Variants in CFAP221 observed in about 807,000 individuals in gnomAD.
CFAP221 encodes cilia- and flagella-associated protein 221.
Under a neutral mutation model 113.1 loss-of-function variants are expected in CFAP221, and 97 were observed. The ratio of observed to expected loss-of-function variants is 0.86; its 90% confidence interval spans 0.73 to 1.02. The LOEUF is 1.02. CFAP221 is among the 50% of genes least tolerant of loss of function. The pLI, the probability that CFAP221 is intolerant of heterozygous loss-of-function variation, is 0.00. For missense variants in CFAP221, 1,025 were observed against 1,013.4 expected (o/e 1.01, Z -0.16); for synonymous variants, 331 against 354.4 (o/e 0.93, Z 0.74).
Position 119,605,381 on chromosome 2 carries a change from C to T in CFAP221, c.1133+92C>T, listed in dbSNP as rs370378522. On this transcript the variant is annotated intron_variant, in intron 11 of 23. Transcript: ENST00000413369. ...AATGAGAGACAGTAAAATGTAATAA[C>T]CTTTTAGGTACTTTGGAGAATTTAA... The T allele has an allele frequency of 1.1e-5, 11 of 987,478 alleles. No homozygotes were observed. In the East Asian group the frequency reaches 1.3e-4, roughly 12 times the overall value. The allele number at this position is 987,478 out of a possible 1,614,324, so 61.2% of individuals were successfully genotyped here.
rs781422995 is a variant in CFAP221 at position 119,656,573 on chromosome 2, T to TA, written c.*110dup. 10 of 727,300 alleles carry TA rather than the reference T, an allele frequency of 1.4e-5. No homozygotes were observed. Among genetic ancestry groups the TA allele is most frequent in the Admixed American group, 1.1e-4 (4 of 37,834 alleles). 45.1% of individuals were successfully genotyped at this position (727,300 alleles called of 1,614,324 possible). On this transcript the variant is annotated 3_prime_UTR_variant, in exon 24 of 24. Transcript: ENST00000413369. ...CATCTCTGCAATTAAAGTTTCTGGA[T>TA]AAAAAAATGAAATGTAGAGGATGTA...
At chr2:119,559,832 T>A (rs908997641) in intron 4 of CFAP221, 57 bp downstream of exon 4, 17 of 1,464,608 alleles carry the variant, frequency 1.2e-5, no homozygotes, top group East Asian at 2.5e-5. Flanking sequence ...GTCTCAGGCC[T>A]GTGTGGGGTG....
rs1016459681 is a variant in CFAP221, at chr2:119,597,636, G to A, written c.632-3582G>A. Among the ~76,000 whole-genome samples the A allele has an allele frequency of 2.0e-5, 3 of 152,152 alleles. No homozygotes were observed. In the South Asian group the frequency reaches 6.2e-4, roughly 32 times the overall value. On this transcript the variant is annotated intron_variant, in intron 7 of 23. Transcript: ENST00000413369. ...AATACACAAAGCAAGGAAATAATGAGCCAAGAAAAGCAGAAATTTACCGAA... is the reference window on the plus strand; with the variant it reads ...AATACACAAAGCAAGGAAATAATGAACCAAGAAAAGCAGAAATTTACCGAA...
intron 3 of CFAP221, among the ~76,000 whole-genome samples, chr2:119,553,996 C>T (rs1680606494): frequency 6.6e-6 from 1 of 152,164 alleles, no homozygotes; most frequent in Non-Finnish European, 1.5e-5. Context: ...CTGCTTCGAT[C>T]AGACATTAAA....
chr2:119,581,567 G>A (rs1391648906), intron 6 of CFAP221, among the ~76,000 whole-genome samples: 2 of 152,204 alleles, frequency 1.3e-5, no homozygotes, highest in Admixed American at 1.3e-4. Context: ...AGGGAAATTA[G>A]GGGGTACGGA....
intron 6 of CFAP221, chr2:119,586,792 G>A: frequency 5.1e-6 from 1 of 194,188 alleles, no homozygotes; most frequent in Admixed American, 6.0e-5. Context: ...AGGACAGTGG[G>A]GTGAGGAGTA....
intron 14 of CFAP221, among the ~76,000 whole-genome samples, 197 bp from the exon 15 acceptor site, chr2:119,625,386 G>A (rs1704864680): frequency 6.6e-6 from 1 of 152,122 alleles, no homozygotes; most frequent in African/African-American, 2.4e-5. Flanking sequence ...TTTGTATTCA[G>A]GCAAGTCAGT....
At chr2:119,559,224 T>A (rs1681042086) in intron 3 of CFAP221, among the ~76,000 whole-genome samples, 1 of 152,232 alleles carries the variant, frequency 6.6e-6, no homozygotes, top group Non-Finnish European at 1.5e-5. Flanking sequence ...GATTGGAGGC[T>A]GTCTTAGTCA....
intron 16 of CFAP221, 80 bp downstream of exon 16, chr2:119,627,866 A>G: frequency 6.4e-7 from 1 of 1,552,138 alleles, no homozygotes; most frequent in Non-Finnish European, 8.8e-7. Context: ...GCCCTACCTC[A>G]GTCTCAGTCC....
At chr2:119,643,771 C>T (rs1402275774) in intron 21 of CFAP221, among the ~76,000 whole-genome samples, 1 of 152,022 alleles carries the variant, frequency 6.6e-6, no homozygotes, top group Non-Finnish European at 1.5e-5. Flanking sequence ...TCTCGAACTC[C>T]TGACCTCAAG....
In CFAP221 at chr2:119,656,487, A is replaced by G. The variant is rs201828301; in HGVS notation, c.*17A>G. On this transcript the variant is annotated 3_prime_UTR_variant, in exon 24 of 24. Transcript: ENST00000413369. Reference sequence around the variant, plus strand: ...CTAGAATGAAAGTCACCAGTAGGTCAGTCCCTTCCATTTGCTTTCCGTGGG... The same window carrying G: ...CTAGAATGAAAGTCACCAGTAGGTCGGTCCCTTCCATTTGCTTTCCGTGGG... 1.4e-4 allele frequency: 216 copies of G among 1,587,784 alleles called. 1 individual carries two copies. In the Middle Eastern group the frequency reaches 1.7e-3, roughly 12 times the overall value.
chr2:119,615,819 A>G (rs1287309028), intron 14 of CFAP221, 110 bp downstream of exon 14: 2 of 756,694 alleles, frequency 2.6e-6, no homozygotes, highest in East Asian at 2.9e-5. Context: ...TACACACCAT[A>G]AAATTCACCC....
chr2:119,589,955 C>T (rs1238748502), intron 7 of CFAP221: 3 of 151,718 alleles, frequency 2.0e-5, no homozygotes, highest in Admixed American at 6.6e-5. Flanking sequence ...TTTTTTTTTC[C>T]GTGAAATCTG....
intron 3 of CFAP221, among the ~76,000 whole-genome samples, chr2:119,550,182 T>C (rs1157950659): frequency 1.3e-5 from 2 of 152,166 alleles, no homozygotes; most frequent in African/African-American, 4.8e-5. Context: ...TGTGGCCCTG[T>C]CTCCAGCCAC....
chr2:119,567,020 G>T (rs912443743), intron 6 of CFAP221, among the ~76,000 whole-genome samples: 3 of 152,156 alleles, frequency 2.0e-5, no homozygotes, highest in Admixed American at 6.5e-5. Context: ...TGAAAGGAAT[G>T]TACAGAGATT....
chr2:119,647,616 G>C (rs938394762), intron 22 of CFAP221, among the ~76,000 whole-genome samples: 1 of 152,052 alleles, frequency 6.6e-6, no homozygotes, highest in Non-Finnish European at 1.5e-5. Flanking sequence ...CGTACGTCCA[G>C]CTCACACGTG....
intron 14 of CFAP221, among the ~76,000 whole-genome samples, chr2:119,622,831 A>C (rs543188301): frequency 6.6e-6 from 1 of 152,352 alleles, no homozygotes; most frequent in Admixed American, 6.5e-5. Context: ...CTTCATGCTC[A>C]AAACTCTCAA....
intron 6 of CFAP221, among the ~76,000 whole-genome samples, chr2:119,564,435 GAATAAT>G (rs1681479538): frequency 1.3e-5 from 2 of 152,096 alleles, no homozygotes; most frequent in Admixed American, 6.5e-5. Flanking sequence ...TGCACAGTTT[GAATAAT>G]AATAATAACA....
At chr2:119,606,489 C>G (rs1347466281) in intron 11 of CFAP221, among the ~76,000 whole-genome samples, 1 of 152,138 alleles carries the variant, frequency 6.6e-6, no homozygotes, top group African/African-American at 2.4e-5. Context: ...TCCCTTCTGT[C>G]TCAGCTTAAG....
Sources: allele counts gnomAD v4.1 joint callset (sites outside exome capture counted in the v4.1 genomes callset), GRCh38; gene constraint gnomAD v4.1.1; transcripts MANE v1.5; gene names NCBI Gene and HGNC (gene_info 2026-07-23, HGNC 2026-07-21).